Variants in PTPRG observed in about 807,000 individuals in gnomAD.
PTPRG encodes protein tyrosine phosphatase receptor type G.
Under a neutral mutation model 165.3 loss-of-function variants are expected in PTPRG, and 102 were observed. The ratio of observed to expected loss-of-function variants is 0.62; its 90% confidence interval spans 0.53 to 0.73. The LOEUF is 0.73. Among genes scored for constraint, PTPRG ranks in the 30% least tolerant of loss-of-function variants. PTPRG has a pLI of 0.00. For synonymous variants in PTPRG, 675 were observed against 669.5 expected, an observed-to-expected ratio of 1.01 and a Z score of -0.13; for missense variants, 1,866 against 1,861.4, an observed-to-expected ratio of 1.00 and a Z score of -0.05.
intron 1 of PTPRG, among the ~76,000 whole-genome samples, chr3:61,590,624 G>A (rs566517839): frequency 6.6e-6 from 1 of 152,272 alleles, no homozygotes; most frequent in Non-Finnish European, 1.5e-5. Context: ...CTGCCCTAGA[G>A]TATGAAGAGA....
chr3:61,595,308 G>GAA (rs5849434), intron 1 of PTPRG, among the ~76,000 whole-genome samples: 1 of 151,862 alleles, frequency 6.6e-6, no homozygotes, highest in Non-Finnish European at 1.5e-5. Flanking sequence ...TGCAGAAGGG[G>GAA]AAAAAATCTG....
chr3:61,728,426 T>C (rs970194852), intron 1 of PTPRG, among the ~76,000 whole-genome samples: 1 of 151,926 alleles, frequency 6.6e-6, no homozygotes, highest in African/African-American at 2.4e-5. Flanking sequence ...TACAAAAAAA[T>C]TAAAAAATTA....
chr3:61,920,771 C>T (rs1575785964), intron 2 of PTPRG, among the ~76,000 whole-genome samples: 1 of 152,136 alleles, frequency 6.6e-6, no homozygotes, highest in Non-Finnish European at 1.5e-5. Context: ...CTTATGCCCC[C>T]TGAGATACAC....
intron 3 of PTPRG, among the ~76,000 whole-genome samples, chr3:62,000,326 A>C (rs1434300612): frequency 6.6e-6 from 1 of 152,002 alleles, no homozygotes; most frequent in Non-Finnish European, 1.5e-5. Flanking sequence ...ATAGACTCCA[A>C]ATGGTATCTT....
chr3:61,994,843 G>A (rs1332722003), intron 3 of PTPRG, among the ~76,000 whole-genome samples: 1 of 152,130 alleles, frequency 6.6e-6, no homozygotes, highest in Non-Finnish European at 1.5e-5. Flanking sequence ...CTGCTGCTCT[G>A]CTCAGACACA....
chr3:62,033,656 C>T (rs569171993), intron 4 of PTPRG, among the ~76,000 whole-genome samples: 12 of 151,710 alleles, frequency 7.9e-5, no homozygotes, highest in East Asian at 2.0e-4. Flanking sequence ...TGAGCCACCA[C>T]GCCTGGCTTC....
intron 2 of PTPRG, among the ~76,000 whole-genome samples, chr3:61,861,306 GA>G (rs200385287): frequency 4.0e-5 from 6 of 149,858 alleles, no homozygotes; most frequent in Admixed American, 1.3e-4. Flanking sequence ...TCTTAGTGGG[GA>G]AAAAAAAAAT....
intron 2 of PTPRG, among the ~76,000 whole-genome samples, chr3:61,811,350 G>T (rs2035569816): frequency 1.3e-5 from 2 of 152,210 alleles, no homozygotes; most frequent in Admixed American, 6.5e-5. Flanking sequence ...CCAAACACCA[G>T]TGAGCAAGAA....
At chr3:61,812,989 G>C (rs1163794466) in intron 2 of PTPRG, among the ~76,000 whole-genome samples, 2 of 152,104 alleles carry the variant, frequency 1.3e-5, no homozygotes, top group African/African-American at 2.4e-5. Flanking sequence ...AAACAGTTTT[G>C]TTACATGCAA....
chr3:62,096,164 GAT>G (rs1366538876), intron 5 of PTPRG, among the ~76,000 whole-genome samples: 1 of 152,114 alleles, frequency 6.6e-6, no homozygotes, highest in Non-Finnish European at 1.5e-5. Flanking sequence ...CGGGAAAAAT[GAT>G]ATCTTTCTAT....
At chr3:62,154,513 C>A (rs1704462808) in intron 6 of PTPRG, among the ~76,000 whole-genome samples, 1 of 152,200 alleles carries the variant, frequency 6.6e-6, no homozygotes, top group South Asian at 2.1e-4. Context: ...TGAGAACTTA[C>A]ATAAGAGTCC....
intron 1 of PTPRG, among the ~76,000 whole-genome samples, chr3:61,619,023 G>A (rs1485300128): frequency 6.6e-6 from 1 of 151,192 alleles, no homozygotes; most frequent in East Asian, 1.9e-4. Flanking sequence ...CTGGTGTGTT[G>A]GTGCGCATCT....
intron 1 of PTPRG, among the ~76,000 whole-genome samples, chr3:61,741,741 C>G (rs762186410): frequency 6.6e-6 from 1 of 151,998 alleles, no homozygotes; most frequent in Non-Finnish European, 1.5e-5. Context: ...TCAGATGAAC[C>G]AGTGTTGTGG....
At chr3:61,698,660 G>A (rs985764404) in intron 1 of PTPRG, among the ~76,000 whole-genome samples, 2 of 152,008 alleles carry the variant, frequency 1.3e-5, no homozygotes, top group Admixed American at 6.6e-5. Context: ...ACCTGAAAGA[G>A]GTTTTGTTTA....
chr3:62,039,561 A>G (rs530455313), intron 4 of PTPRG, among the ~76,000 whole-genome samples: 120 of 152,362 alleles, frequency 7.9e-4, no homozygotes, highest in Middle Eastern at 3.4e-3. Flanking sequence ...GTACAGAAAT[A>G]TGAACTTCAG....
At chr3:62,169,075 G>C (rs904025333) in intron 8 of PTPRG, among the ~76,000 whole-genome samples, 9 of 151,962 alleles carry the variant, frequency 5.9e-5, no homozygotes, top group African/African-American at 2.2e-4. Context: ...TATCCCTCTC[G>C]TCTGCTTCTG....
chr3:61,633,174 A>G (rs1701815753), intron 1 of PTPRG, among the ~76,000 whole-genome samples: 1 of 152,214 alleles, frequency 6.6e-6, no homozygotes, highest in Non-Finnish European at 1.5e-5. Context: ...TAGCACTATC[A>G]GAAGTTGTCC....
At chr3:62,032,627 T>C (rs1699806450) in intron 4 of PTPRG, among the ~76,000 whole-genome samples, 1 of 152,174 alleles carries the variant, frequency 6.6e-6, no homozygotes, top group South Asian at 2.1e-4. Context: ...GATTTACTCC[T>C]GAGTTATAAA....
At chr3:61,575,598 CTTTTTTTTTT>C (rs34363041) in intron 1 of PTPRG, among the ~76,000 whole-genome samples, 1 of 117,304 alleles carries the variant, frequency 8.5e-6, no homozygotes, top group Non-Finnish European at 1.7e-5. Context: ...GCACACAGAA[CTTTTTTTTTT>C]TTTTTTTTTT....
Sources: allele counts gnomAD v4.1 joint callset (sites outside exome capture counted in the v4.1 genomes callset), GRCh38; gene constraint gnomAD v4.1.1; transcripts MANE v1.5; gene names NCBI Gene and HGNC (gene_info 2026-07-23, HGNC 2026-07-21).